COL24A1: variants seen among roughly 807,000 people sequenced by gnomAD.
COL24A1 encodes collagen alpha-1(XXIV) chain.
COL24A1 carries 224 observed loss-of-function variants against 253.9 expected under a neutral mutation model. The ratio of observed to expected loss-of-function variants is 0.88; its 90% CI spans 0.79 to 0.99. The LOEUF (loss-of-function observed/expected upper bound fraction) is 0.99, where lower values mean the gene tolerates loss of function less well. Among genes scored for constraint, COL24A1 ranks in the 50% least tolerant of loss-of-function variants. The pLI is 0.00. For synonymous variants in COL24A1, 685 were observed against 673.7 expected (o/e 1.02, Z -0.26); for missense variants, 2,131 against 2,068.5 (o/e 1.03, Z -0.59).
intron 1 of COL24A1, among the ~76,000 whole-genome samples, chr1:86,150,804 T>A (rs1363555664): frequency 6.6e-6 from 1 of 152,200 alleles, no homozygotes; most frequent in African/African-American, 2.4e-5. Flanking sequence ...CAAATAAAAC[T>A]TATCAAGTTT....
Position 86,125,380 on chromosome 1 carries a change from G to T in COL24A1, c.956C>A (p.Ser319Ter), listed in dbSNP as rs564784778. 2.5e-6 allele frequency: 4 copies of T among 1,613,556 alleles called. No individual in the cohort carries two copies. In the African/African-American group the frequency reaches 4.0e-5, roughly 16 times the overall value. Residue 319 changes from serine to a stop codon, truncating the protein, a stop_gained, in exon 3 of 60, where the codon TCA becomes TAA. Coordinates refer to ENST00000370571, the MANE Select transcript of COL24A1 (RefSeq NM_152890.7). LOFTEE classifies it high-confidence loss of function. The part of the protein sequence containing the change: ...ISRSQLSSLQ[S>*]GNVSAVDLTN... Reference sequence around the variant, plus strand: ...GAGATCCACAGCAGAGACATTTCCTGACTGAAGAGAAGATAACTGAGATCT... The same window carrying T: ...GAGATCCACAGCAGAGACATTTCCTTACTGAAGAGAAGATAACTGAGATCT...
intron 43 of COL24A1, among the ~76,000 whole-genome samples, chr1:85,832,213 G>T (rs557555965): frequency 1.3e-5 from 2 of 151,986 alleles, no homozygotes; most frequent in Non-Finnish European, 2.9e-5. Flanking sequence ...TTTTTCTCAG[G>T]TTTGTCAAAG....
At chr1:86,061,790 T>A (rs1041371821) in intron 8 of COL24A1, among the ~76,000 whole-genome samples, 21 of 152,154 alleles carry the variant, frequency 1.4e-4, no homozygotes, top group African/African-American at 3.9e-4. Flanking sequence ...TAGATTTTTT[T>A]AAAAAGTTGG....
At chr1:85,846,977 G>GTCACTAAATGGAATGTCACTAAATGTC (rs1677203972) in intron 39 of COL24A1, among the ~76,000 whole-genome samples, 1 of 151,892 alleles carries the variant, frequency 6.6e-6, no homozygotes, top group Non-Finnish European at 1.5e-5. Context: ...TTTAAATGGA[G>GTCACTAAATGGAATGTCACTAAATGTC]ACTACACTAA....
At chr1:86,128,236 C>T in intron 2 of COL24A1, among the ~76,000 whole-genome samples, 1 of 151,940 alleles carries the variant, frequency 6.6e-6, no homozygotes, top group East Asian at 1.9e-4. Context: ...TACTTATGAG[C>T]TAAATCAGCT....
chr1:86,046,727 A>T (rs1699930012), intron 12 of COL24A1, 98 bp downstream of exon 12: 1 of 1,446,630 alleles, frequency 6.9e-7, no homozygotes. Flanking sequence ...ATAAACAACA[A>T]CAAAAAGCAA....
In COL24A1 at chr1:85,935,878, A is replaced by G. The variant is rs772349067; in HGVS notation, c.2563-24445T>C. On this transcript the variant is annotated intron_variant, in intron 24 of 59. Coordinates refer to ENST00000370571, the MANE Select transcript of COL24A1 (RefSeq NM_152890.7). ...GCCACCCACATTCCCTTTTTATGAC[A>G]TATCTTATTAACCCTGCAATAAGCT... is the stretch of plus-strand genomic sequence containing the variant. 1.8e-4 allele frequency among the ~76,000 whole-genome samples: 27 copies of G among 147,594 alleles called. 3 individuals carry two copies. Among genetic ancestry groups the G allele is most frequent in the South Asian group, 1.7e-3 (7 of 4,060 alleles).
chr1:85,821,936 C>T (rs760992079), intron 45 of COL24A1, among the ~76,000 whole-genome samples: 25 of 152,114 alleles, frequency 1.6e-4, no homozygotes, highest in Non-Finnish European at 2.9e-4. Flanking sequence ...TAGATACTTT[C>T]GGATCAAATG....
At chr1:85,978,940 G>A (rs963276498) in intron 20 of COL24A1, among the ~76,000 whole-genome samples, 6 of 152,168 alleles carry the variant, frequency 3.9e-5, no homozygotes, top group Non-Finnish European at 8.8e-5. Context: ...ATGAGAGACT[G>A]CAAAACAAGT....
chr1:85,815,292 G>A lies in COL24A1; in HGVS notation c.3951+1496C>T, dbSNP rs1402334745. ...AATCTCATTATAAGACTATCACATG[G>A]TGAGTCCGGAGATTAGCATGAAGAT... On this transcript the variant is annotated intron_variant, in intron 47 of 59. Coordinates refer to ENST00000370571, the MANE Select transcript of COL24A1 (RefSeq NM_152890.7). Among the ~76,000 whole-genome samples, 3 of 152,172 alleles carry A rather than the reference G, an allele frequency of 2.0e-5. No individual in the cohort carries two copies. The South Asian group carries it at 6.2e-4, about 32-fold the overall frequency.
chr1:86,051,545 T>C (rs574620499), intron 10 of COL24A1, among the ~76,000 whole-genome samples: 1 of 152,024 alleles, frequency 6.6e-6, no homozygotes, highest in Non-Finnish European at 1.5e-5. Flanking sequence ...TTGCAAATAG[T>C]CTGTGTGATT....
rs761100376 is a variant in COL24A1 at position 85,783,542 on chromosome 1, G to GC, written c.4237dup (p.Ala1413GlyfsTer10). ...AGGACCTGATATCCCAACAATGCCA[G>GC]CATCCCCTTCAGGACCCTAGACATA... On this transcript the variant is annotated frameshift_variant, in exon 51 of 60. Coordinates refer to ENST00000370571, the MANE Select transcript of COL24A1 (RefSeq NM_152890.7). LOFTEE classifies it high-confidence loss of function. The GC allele has an allele frequency of 1.4e-5, 22 of 1,613,188 alleles. No homozygotes were observed. The Admixed American group carries it at 3.0e-4, about 22-fold the overall frequency.
chr1:85,919,172 T>C (rs1686203114), intron 24 of COL24A1, among the ~76,000 whole-genome samples: 2 of 152,306 alleles, frequency 1.3e-5, no homozygotes, highest in Admixed American at 6.5e-5. Context: ...CCACAGTGTA[T>C]AGAGTGCAAG....
chr1:85,794,530 G>T (rs1251239120), intron 47 of COL24A1, among the ~76,000 whole-genome samples: 4 of 152,120 alleles, frequency 2.6e-5, no homozygotes, highest in Non-Finnish European at 2.9e-5. Context: ...TATGCTTGTT[G>T]GTTTCTTAGA....
At chr1:85,780,736 A>T (rs1287750097) in intron 52 of COL24A1, among the ~76,000 whole-genome samples, 3 of 152,176 alleles carry the variant, frequency 2.0e-5, no homozygotes, top group Non-Finnish European at 4.4e-5. Context: ...TACTTCCTTC[A>T]TCACTGTAAC....
chr1:85,756,356 T>G (rs1403567827), intron 55 of COL24A1, among the ~76,000 whole-genome samples: 1 of 150,796 alleles, frequency 6.6e-6, no homozygotes, highest in East Asian at 1.9e-4. Flanking sequence ...GAGGCAGAGG[T>G]TGCCGTGAGC....
At chr1:85,745,550 C>T (rs773798539) in intron 55 of COL24A1, 44 bp from the exon 56 acceptor site, 1 of 1,414,914 alleles carries the variant, frequency 7.1e-7, no homozygotes, top group Non-Finnish European at 9.8e-7. Flanking sequence ...AAGATCAACA[C>T]TGAGTGCCCT....
At chr1:86,078,287 T>A (rs1702398474) in intron 7 of COL24A1, among the ~76,000 whole-genome samples, 1 of 152,128 alleles carries the variant, frequency 6.6e-6, no homozygotes, top group South Asian at 2.1e-4. Context: ...AAAAACTGGA[T>A]ATAAACGGAA....
At chr1:86,051,093 G>A (rs1700263473) in intron 10 of COL24A1, among the ~76,000 whole-genome samples, 1 of 152,100 alleles carries the variant, frequency 6.6e-6, no homozygotes, top group Admixed American at 6.6e-5. Context: ...AGCCATGACA[G>A]GAAACACTGA....
Sources: allele counts gnomAD v4.1 joint callset (sites outside exome capture counted in the v4.1 genomes callset), GRCh38; gene constraint gnomAD v4.1.1; transcripts MANE v1.5; gene names NCBI Gene and HGNC (gene_info 2026-07-23, HGNC 2026-07-21).